PRR14L: variants seen among roughly 807,000 people sequenced by gnomAD.
PRR14L encodes the protein proline rich 14 like, also known as protein PRR14L.
PRR14L carries 80 observed loss-of-function variants against 155.0 expected under a neutral mutation model. The ratio of observed to expected loss-of-function variants is 0.52; its 90% CI spans 0.43 to 0.62. The LOEUF is 0.62. Among genes scored for constraint, PRR14L ranks in the 20% least tolerant of loss-of-function variants. The pLI is 0.00. For missense variants in PRR14L, 2,469 were observed against 2,548.0 expected, an observed-to-expected ratio of 0.97 and a Z score of 0.67; for synonymous variants, 883 against 916.0, an observed-to-expected ratio of 0.96 and a Z score of 0.65.
intron 2 of PRR14L, among the ~76,000 whole-genome samples, chr22:31,733,180 G>A (rs1371939292): frequency 6.6e-6 from 1 of 151,714 alleles, no homozygotes; most frequent in Non-Finnish European, 1.5e-5. Context: ...TAGCGATGGG[G>A]GTTTCACCAG....
chr22:31,712,182 G>C lies in PRR14L; in HGVS notation c.5657C>G (p.Ser1886Cys), dbSNP rs756502225. ...SLPYSVGRVL[S>C]IWSQHGPSVC... is the part of the protein sequence containing the mutation. ...AGAAGGACCATGCTGGCTCCAAATG[G>C]ATAGGACTCTGCCCACCGAGTAGGG... The change falls in exon 4 of 9, where the codon TCC (serine) becomes TGC (cysteine). Residue 1886 changes from serine to cysteine, a missense_variant. Around this residue, in one of 2 missense-constraint regions of PRR14L, gnomAD observed 2,363 missense variants for 2,371.6 expected, o/e 1.00. Transcript: ENST00000327423. The C allele has an allele frequency of 1.2e-6, 2 of 1,613,896 alleles. No homozygotes were observed. Among genetic ancestry groups the C allele is most frequent in the African/African-American group, 2.7e-5 (2 of 74,862 alleles).
intron 5 of PRR14L, among the ~76,000 whole-genome samples, chr22:31,704,207 TAAA>T (rs575378414): frequency 6.6e-6 from 1 of 152,168 alleles, no homozygotes; most frequent in Non-Finnish European, 1.5e-5. Context: ...TCTACATATG[TAAA>T]AAAATTACAA....
chr22:31,726,916 G>A (rs966753824), intron 2 of PRR14L, among the ~76,000 whole-genome samples: 3 of 151,790 alleles, frequency 2.0e-5, no homozygotes, highest in Non-Finnish European at 2.9e-5. Context: ...CCCGTTCTGT[G>A]AGAAAAGCCA....
At chr22:31,711,766 A>G (rs2147862293) in intron 4 of PRR14L, among the ~76,000 whole-genome samples, 1 of 147,300 alleles carries the variant, frequency 6.8e-6, no homozygotes. Flanking sequence ...CCTGGGCAAG[A>G]AGAGTTAATC....
intron 5 of PRR14L, among the ~76,000 whole-genome samples, chr22:31,704,063 C>G (rs1235536533): frequency 2.0e-5 from 3 of 152,174 alleles, no homozygotes; most frequent in Non-Finnish European, 4.4e-5. Flanking sequence ...TCCCAAAGTG[C>G]TGGGATTACA....
At position 31,711,956 on chromosome 22, in the gene PRR14L, G is replaced by A. The variant is rs2074625469; in HGVS notation, c.5756+127C>T. On this transcript the variant is annotated intron_variant, in intron 4 of 8. Coordinates refer to ENST00000327423, the MANE Select transcript of PRR14L (RefSeq NM_173566.3). ...ATTTTTCTCAGCAGAGATTTCGCAA[G>A]GTAAATAGAAAATGCAGACCCAAGA... 22 of 864,062 alleles carry A rather than the reference G, an allele frequency of 2.5e-5. No individual in the cohort carries two copies. In the South Asian group the frequency reaches 4.0e-4, roughly 16 times the overall value. The allele number at this position is 864,062 out of a possible 1,614,324, so 53.5% of individuals were successfully genotyped here.
intron 4 of PRR14L, among the ~76,000 whole-genome samples, chr22:31,708,849 G>A (rs1433514310): frequency 2.0e-5 from 3 of 151,348 alleles, no homozygotes; most frequent in South Asian, 4.2e-4. Context: ...TTTTTGAGAC[G>A]GAGTTTCACT....
chr22:31,685,503 G>A lies in PRR14L; in HGVS notation c.*24C>T. On this transcript the variant is annotated 3_prime_UTR_variant, in exon 9 of 9. Coordinates refer to ENST00000327423, the MANE Select transcript of PRR14L (RefSeq NM_173566.3). ...AACAAAACAAAAAAACCCTAAAATTGAGACCCTCAAACTGAATCGCTTCTC... is the reference window on the plus strand; with the variant it reads ...AACAAAACAAAAAAACCCTAAAATTAAGACCCTCAAACTGAATCGCTTCTC... The A allele has an allele frequency of 7.0e-7, 1 of 1,437,734 alleles. No individual in the cohort carries two copies. The allele number at this position is 1,437,734 out of a possible 1,614,324, so 89.1% of individuals were successfully genotyped here.
rs2074652051 is a variant in PRR14L, at chr22:31,715,480, T to C, written c.2359A>G (p.Ser787Gly). ...CHSVQSQDIS[S>G]CHRVRKNVSQ... is the part of the protein sequence containing the mutation. ...ACATTTTTTCTTACACGATGACAGC[T>C]AGAGATATCCTGAGATTGAACGCTG... Residue 787 changes from serine to glycine, a missense_variant, in exon 4 of 9, where the codon AGC (serine) becomes GGC (glycine). Ser to Gly is a moderately conservative substitution (Grantham distance 56, BLOSUM62 0). This residue lies in a region of PRR14L where 2,363 missense variants were observed against 2,371.6 expected (regional missense o/e 1.00). Transcript: ENST00000327423. 14 of 1,552,242 alleles carry C rather than the reference T, an allele frequency of 9.0e-6. No homozygotes were observed. Among genetic ancestry groups the C allele is most frequent in the Non-Finnish European group, 1.2e-5 (14 of 1,147,120 alleles).
chr22:31,685,701 T>A lies in PRR14L; in HGVS notation c.6282A>T (p.Thr2094=), dbSNP rs923330070. 6.4e-7 allele frequency: 1 copy of A among 1,551,602 alleles called. No homozygotes were observed. Among genetic ancestry groups the A allele is most frequent in the African/African-American group, 1.4e-5 (1 of 73,040 alleles). Residue 2094 remains threonine, a synonymous_variant, in exon 9 of 9, where the codon ACA becomes ACT. Coordinates refer to ENST00000327423, the MANE Select transcript of PRR14L (RefSeq NM_173566.3). ...CTCGAGCTCTCCTCTTTCGCGGGAC[T>A]GTAAAATCCTGAAATTCTAGAACTC... The part of the protein sequence containing the change: ...RKRVLEFQDF[T]VPRKRRARGK...
At chr22:31,731,435 G>T (rs2074749049) in intron 2 of PRR14L, among the ~76,000 whole-genome samples, 1 of 151,784 alleles carries the variant, frequency 6.6e-6, no homozygotes, top group South Asian at 2.1e-4. Context: ...AGGCCTGGTG[G>T]TATGAGCCTG....
intron 4 of PRR14L, among the ~76,000 whole-genome samples, chr22:31,707,879 G>A (rs1326048059): frequency 1.3e-5 from 2 of 152,192 alleles, no homozygotes; most frequent in African/African-American, 2.4e-5. Context: ...GCCGGGCGCG[G>A]TGGCTTACGC....
Position 31,712,323 on chromosome 22 carries a change from C to T in PRR14L, c.5516G>A (p.Arg1839Gln), listed in dbSNP as rs376063547. 1.5e-5 allele frequency: 25 copies of T among 1,613,992 alleles called. No individual in the cohort carries two copies. Among genetic ancestry groups the T allele is most frequent in the Middle Eastern group, 3.3e-4 (2 of 6,084 alleles). The stretch of plus-strand genomic sequence containing the variant: ...GGTAGGCATGTGGCTGGAGAAGCTC[C>T]GTTTTTTTGTCCAGATTCGGTAACA... ...PGCYRIWTKK[R>Q]SFSSHMPTMQ... is the part of the protein sequence containing the mutation. The change falls in exon 4 of 9, where the codon CGG (arginine) becomes CAG (glutamine). Residue 1839 changes from arginine to glutamine, a missense_variant. Transcript: ENST00000327423.
chr22:31,738,500 C>T lies in PRR14L; in HGVS notation c.361G>A (p.Val121Ile). The T allele has an allele frequency of 1.3e-6, 2 of 1,552,100 alleles. No individual in the cohort carries two copies. Among genetic ancestry groups the T allele is most frequent in the Non-Finnish European group, 1.7e-6 (2 of 1,147,088 alleles). ...GCCTGGCCCCCTGGATCTCTGAAGACCTTTGGCTCCATGCTCTCGCTTCTC... is the reference window on the plus strand; with the variant it reads ...GCCTGGCCCCCTGGATCTCTGAAGATCTTTGGCTCCATGCTCTCGCTTCTC... Reference protein sequence around the residue: ...AKRSESMEPKVFRDPGGQAGI... With the variant: ...AKRSESMEPKIFRDPGGQAGI... Residue 121 changes from valine to isoleucine, a missense_variant, in exon 2 of 9, where the codon GTC (valine) becomes ATC (isoleucine). By Grantham distance (29) the Val-to-Ile change is conservative. This residue lies in a region of PRR14L where 2,363 missense variants were observed against 2,371.6 expected (regional missense o/e 1.00). Transcript: ENST00000327423.
chr22:31,717,302 G>T lies in PRR14L; in HGVS notation c.548-11C>A. 6.6e-7 allele frequency: 1 copy of T among 1,520,732 alleles called. No homozygotes were observed. 94.2% of individuals were successfully genotyped at this position (1,520,732 alleles called of 1,614,324 possible). On this transcript the variant is annotated splice_polypyrimidine_tract_variant and intron_variant, in intron 3 of 8. Coordinates refer to ENST00000327423, the MANE Select transcript of PRR14L (RefSeq NM_173566.3). ...TCTGTACATTTCCTTCTGAATAAGA[G>T]AAATAAATCCAAATTAATATGCAGT...
At chr22:31,737,577 C>T (rs1489558723) in intron 2 of PRR14L, among the ~76,000 whole-genome samples, 1 of 151,586 alleles carries the variant, frequency 6.6e-6, no homozygotes, top group Non-Finnish European at 1.5e-5. Flanking sequence ...TGCTTGAGCC[C>T]AGGAATTTGA....
chr22:31,728,766 A>G (rs991173584), intron 2 of PRR14L, among the ~76,000 whole-genome samples: 4 of 152,092 alleles, frequency 2.6e-5, no homozygotes, highest in African/African-American at 9.7e-5. Flanking sequence ...TGAGTTGAAT[A>G]CAACCAATGT....
intron 7 of PRR14L, among the ~76,000 whole-genome samples, chr22:31,701,090 C>T (rs2074561000): frequency 2.0e-5 from 3 of 151,738 alleles, no homozygotes; most frequent in Admixed American, 1.3e-4. Context: ...CAGGCTCAAG[C>T]GAATCTCCTG....
intron 4 of PRR14L, among the ~76,000 whole-genome samples, chr22:31,707,060 GAAGA>G (rs997552595): frequency 4.6e-5 from 7 of 151,412 alleles, no homozygotes; most frequent in Admixed American, 2.6e-4. Flanking sequence ...AAAAAAAAAA[GAAGA>G]AAGAAAAGAA....
Sources: allele counts gnomAD v4.1 joint callset (sites outside exome capture counted in the v4.1 genomes callset), GRCh38; gene constraint gnomAD v4.1.1; regional missense constraint gnomAD v4.1.1; transcripts MANE v1.5; gene names NCBI Gene and HGNC (gene_info 2026-07-23, HGNC 2026-07-21).